MYO1E: variants seen among roughly 807,000 people sequenced by gnomAD.
The protein encoded by MYO1E is unconventional myosin-Ie.
A neutral mutation model predicts 151.1 loss-of-function variants in MYO1E; 68 were observed. The observed-to-expected ratio is 0.45, with a 90% confidence interval of 0.37 to 0.55. The LOEUF is 0.55. Ranked by LOEUF, MYO1E falls within the 20% of genes least tolerant of loss-of-function variation. The pLI is 0.00. For synonymous variants in MYO1E, 601 were observed against 501.7 expected (o/e 1.20, Z -2.64); for missense variants, 1,363 against 1,389.3 (o/e 0.98, Z 0.30).
chr15:59,207,219 G>C (rs1444721266), intron 14 of MYO1E: 2 of 1,614,236 alleles, frequency 1.2e-6, no homozygotes, highest in East Asian at 2.2e-5. Context: ...TAAAAGGCTT[G>C]AGTGATGAAC....
At chr15:59,353,433 G>C (rs187388007) in intron 1 of MYO1E, among the ~76,000 whole-genome samples, 1 of 149,458 alleles carries the variant, frequency 6.7e-6, no homozygotes, top group Admixed American at 6.7e-5. Flanking sequence ...ACACGAACCA[G>C]AATAGTCTTA....
At chr15:59,220,999 TTA>T (rs1311458649) in intron 9 of MYO1E, among the ~76,000 whole-genome samples, 1 of 145,204 alleles carries the variant, frequency 6.9e-6, no homozygotes, top group African/African-American at 2.5e-5. Flanking sequence ...ATATATATAA[TTA>T]TATATATAAT....
At chr15:59,260,864 C>T (rs74020331) in intron 3 of MYO1E, among the ~76,000 whole-genome samples, 1 of 152,048 alleles carries the variant, frequency 6.6e-6, no homozygotes, top group Non-Finnish European at 1.5e-5. Context: ...TCCTATTTAA[C>T]TAATTTTCTA....
chr15:59,164,817 A>T (rs1292594815), intron 22 of MYO1E, among the ~76,000 whole-genome samples: 1 of 152,222 alleles, frequency 6.6e-6, no homozygotes, highest in East Asian at 1.9e-4. Context: ...TGATGGAGCC[A>T]GTAGCTGTAG....
chr15:59,256,301 G>C lies in MYO1E; in HGVS notation c.315C>G (p.Asn105Lys). 6.2e-7 allele frequency: 1 copy of C among 1,605,526 alleles called. No homozygotes were observed. The highest frequency in any genetic ancestry group is 8.5e-7 in the Non-Finnish European group (1 of 1,172,520). ...CTTCATACCTGATAATGACGCACTG[G>C]TTCTCTCTGTCAATGATCATGTTTC... ...MYRNMIIDRE[N>K]QCVIISGESG... Residue 105 changes from asparagine (N) to lysine (K), a missense_variant, in exon 4 of 28, where the codon AAC (asparagine) becomes AAG (lysine). Coordinates refer to ENST00000288235, the MANE Select transcript of MYO1E (RefSeq NM_004998.4).
chr15:59,174,429 A>G (rs568400253), intron 19 of MYO1E, among the ~76,000 whole-genome samples, 189 bp from the exon 20 acceptor site: 2 of 152,306 alleles, frequency 1.3e-5, no homozygotes, highest in African/African-American at 4.8e-5. Flanking sequence ...AAAATGACCT[A>G]TACCTTTTTT....
intron 1 of MYO1E, among the ~76,000 whole-genome samples, chr15:59,364,844 G>A (rs1425858531): frequency 6.6e-6 from 1 of 151,940 alleles, no homozygotes; most frequent in East Asian, 2.0e-4. Flanking sequence ...GGCAGAAGGA[G>A]GTTACAGTGA....
At chr15:59,190,038 A>C (rs1168573633) in intron 17 of MYO1E, among the ~76,000 whole-genome samples, 2 of 152,222 alleles carry the variant, frequency 1.3e-5, no homozygotes, top group Non-Finnish European at 2.9e-5. Flanking sequence ...GAGCACGGAC[A>C]TGTGCCTTGT....
chr15:59,182,684 A>C (rs150258716), intron 18 of MYO1E, among the ~76,000 whole-genome samples: 3 of 152,336 alleles, frequency 2.0e-5, no homozygotes, highest in Non-Finnish European at 4.4e-5. Flanking sequence ...TAAAAGGAAT[A>C]ACAAATTTCA....
At chr15:59,185,304 G>C (rs1255510344) in intron 18 of MYO1E, among the ~76,000 whole-genome samples, 3 of 151,924 alleles carry the variant, frequency 2.0e-5, no homozygotes, top group African/African-American at 7.3e-5. Context: ...GTCTCACTCT[G>C]TCGCCCAGGC....
At chr15:59,178,744 C>A (rs1352437472) in intron 18 of MYO1E, among the ~76,000 whole-genome samples, 1 of 152,248 alleles carries the variant, frequency 6.6e-6, no homozygotes, top group East Asian at 1.9e-4. Flanking sequence ...GAGCTGCCTC[C>A]TGCTTCTTTC....
At chr15:59,309,324 C>T (rs1257655505) in intron 1 of MYO1E, among the ~76,000 whole-genome samples, 3 of 152,130 alleles carry the variant, frequency 2.0e-5, no homozygotes, top group African/African-American at 7.2e-5. Context: ...AGTTAAGTGT[C>T]TCCTCACAAT....
chr15:59,217,944 G>A lies in MYO1E; in HGVS notation c.1054C>T (p.Arg352Trp), dbSNP rs1477519647. Residue 352 changes from arginine to tryptophan, a missense_variant, in exon 10 of 28, where the codon CGG (arginine) becomes TGG (tryptophan). Coordinates refer to ENST00000288235, the MANE Select transcript of MYO1E (RefSeq NM_004998.4). Reference sequence around the variant, plus strand: ...TGCAGGGCCTTGGCGAGCGCATCCCGGGTGTAACAGGCCTGCTCTACGTTG... The same window carrying A: ...TGCAGGGCCTTGGCGAGCGCATCCCAGGTGTAACAGGCCTGCTCTACGTTG... ...TLNVEQACYT[R>W]DALAKALHAR... The A allele has an allele frequency of 4.3e-6, 7 of 1,614,160 alleles. No homozygotes were observed. The Admixed American group carries it at 5.0e-5, about 12-fold the overall frequency.
chr15:59,255,119 G>A (rs1316903250), intron 4 of MYO1E, among the ~76,000 whole-genome samples: 1 of 151,416 alleles, frequency 6.6e-6, no homozygotes, highest in African/African-American at 2.4e-5. Context: ...GGTTTGGTTT[G>A]GTTTGGTTTT....
At chr15:59,214,523 TTTG>T in intron 11 of MYO1E, 114 bp downstream of exon 11, 2 of 1,113,696 alleles carry the variant, frequency 1.8e-6, no homozygotes, top group Non-Finnish European at 2.7e-6. Flanking sequence ...AGTTGTTTTT[TTTG>T]TTGTTGTGGT....
At chr15:59,193,107 G>T (rs1422646735) in intron 17 of MYO1E, among the ~76,000 whole-genome samples, 1 of 78,676 alleles carries the variant, frequency 1.3e-5, no homozygotes, top group African/African-American at 8.0e-5. Context: ...TCAAAGTGCA[G>T]TGCCTGGGCC....
In MYO1E at chr15:59,372,490, C is replaced by T; in HGVS notation, c.3+8G>A. On this transcript the variant is annotated splice_region_variant and intron_variant, in intron 1 of 27. Coordinates refer to ENST00000288235, the MANE Select transcript of MYO1E (RefSeq NM_004998.4). ...CCGGCGTCCTAGGACGCGGCGCGGC[C>T]AACTCACCATGGTGACTCGCGCCGC... The T allele has an allele frequency of 6.5e-7, 1 of 1,539,596 alleles. No individual in the cohort carries two copies. The highest frequency in any genetic ancestry group is 8.7e-7 in the Non-Finnish European group (1 of 1,145,132).
At chr15:59,240,449 A>G (rs1283094125) in intron 4 of MYO1E, among the ~76,000 whole-genome samples, 3 of 152,232 alleles carry the variant, frequency 2.0e-5, no homozygotes, top group Non-Finnish European at 4.4e-5. Flanking sequence ...CGAAATGGAA[A>G]GAATGTTCTG....
chr15:59,213,160 ATTAT>A (rs1321041980), intron 12 of MYO1E, among the ~76,000 whole-genome samples: 1 of 147,122 alleles, frequency 6.8e-6, no homozygotes, highest in African/African-American at 2.5e-5. Flanking sequence ...TATTATTATT[ATTAT>A]TATTATTATT....
Sources: allele counts gnomAD v4.1 joint callset (sites outside exome capture counted in the v4.1 genomes callset), GRCh38; gene constraint gnomAD v4.1.1; transcripts MANE v1.5; gene names NCBI Gene and HGNC (gene_info 2026-07-23, HGNC 2026-07-21).